Variants in NRXN3 observed in about 807,000 individuals in gnomAD.
NRXN3 encodes the protein neurexin 3.
A neutral mutation model predicts 137.6 loss-of-function variants in NRXN3; 32 were observed. That is an observed-to-expected ratio of 0.23 (90% CI 0.18 to 0.31). NRXN3 has a LOEUF of 0.31. Ranked by LOEUF, NRXN3 falls within the 10% of genes least tolerant of loss-of-function variation. The pLI, the probability that NRXN3 is intolerant of heterozygous loss-of-function variation, is 1.00. For missense variants in NRXN3, 1,574 were observed against 2,062.5 expected, an observed-to-expected ratio of 0.76 and a Z score of 4.59; for synonymous variants, 798 against 784.5, an observed-to-expected ratio of 1.02 and a Z score of -0.29.
chr14:79,333,321 G>A (rs1360763455), intron 15 of NRXN3, among the ~76,000 whole-genome samples: 1 of 152,152 alleles, frequency 6.6e-6, no homozygotes, highest in Non-Finnish European at 1.5e-5. Flanking sequence ...GGCTCCTGGT[G>A]TGGCTCGTTC....
chr14:79,509,851 C>T (rs1334972614), intron 16 of NRXN3, among the ~76,000 whole-genome samples: 1 of 152,056 alleles, frequency 6.6e-6, no homozygotes, highest in African/African-American at 2.4e-5. Flanking sequence ...TTGAGTTTCT[C>T]TGCTACTCAA....
At chr14:79,453,806 A>G (rs1030235051) in intron 15 of NRXN3, among the ~76,000 whole-genome samples, 1 of 152,112 alleles carries the variant, frequency 6.6e-6, no homozygotes, top group African/African-American at 2.4e-5. Flanking sequence ...TTACTCCCCA[A>G]ATATCAAATA....
chr14:79,059,944 T>G (rs2099672160), intron 15 of NRXN3, among the ~76,000 whole-genome samples: 1 of 152,200 alleles, frequency 6.6e-6, no homozygotes, highest in Admixed American at 6.5e-5. Flanking sequence ...GAAACTTATT[T>G]TACTTGCCTC....
At chr14:79,786,790 T>C (rs974924165) in intron 19 of NRXN3, among the ~76,000 whole-genome samples, 6 of 152,204 alleles carry the variant, frequency 3.9e-5, no homozygotes, top group Admixed American at 3.9e-4. Flanking sequence ...CTAAGATAGA[T>C]GTTTATCTTA....
chr14:79,320,698 TA>T (rs991641410), intron 15 of NRXN3, among the ~76,000 whole-genome samples: 4 of 152,128 alleles, frequency 2.6e-5, no homozygotes, highest in African/African-American at 9.7e-5. Flanking sequence ...TTTAAAAGAT[TA>T]AAGGAGCTTT....
chr14:79,708,183 C>T lies in NRXN3; in HGVS notation c.4014+10246C>T, dbSNP rs116374381. On this transcript the variant is annotated intron_variant, in intron 19 of 20. Coordinates refer to ENST00000335750, the MANE Select transcript of NRXN3 (RefSeq NM_001330195.2). ...TTTAAAAAATTGTGTCTGTACTGAA[C>T]ATGTACAGACTTTTTTCTTACTATT... 2.2e-3 allele frequency among the ~76,000 whole-genome samples: 331 copies of T among 152,242 alleles called. 1 individual carries two copies. Among genetic ancestry groups the T allele is most frequent in the African/African-American group, 7.8e-3 (322 of 41,544 alleles).
intron 15 of NRXN3, among the ~76,000 whole-genome samples, chr14:79,179,363 AT>A (rs1379436800): frequency 2.6e-5 from 4 of 152,202 alleles, no homozygotes; most frequent in Non-Finnish European, 5.9e-5. Flanking sequence ...ATGTTTTCTT[AT>A]AAAACACACA....
At chr14:78,826,474 G>T (rs80260473) in intron 10 of NRXN3, among the ~76,000 whole-genome samples, 1 of 152,128 alleles carries the variant, frequency 6.6e-6, no homozygotes, top group African/African-American at 2.4e-5. Context: ...ACATGCACAC[G>T]CATAAATTCA....
At chr14:79,152,681 T>G (rs749546796) in intron 15 of NRXN3, among the ~76,000 whole-genome samples, 6 of 151,958 alleles carry the variant, frequency 3.9e-5, no homozygotes, top group Non-Finnish European at 8.8e-5. Context: ...TTGAGACTTA[T>G]TCACTATCAT....
At chr14:78,920,451 A>G (rs764636766) in intron 10 of NRXN3, among the ~76,000 whole-genome samples, 1 of 152,212 alleles carries the variant, frequency 6.6e-6, no homozygotes, top group African/African-American at 2.4e-5. Context: ...TCAAACAATG[A>G]TTTATTCAAC....
intron 15 of NRXN3, among the ~76,000 whole-genome samples, chr14:79,383,296 T>G (rs1412020483): frequency 6.6e-6 from 1 of 152,110 alleles, no homozygotes; most frequent in Non-Finnish European, 1.5e-5. Context: ...TTGCTGAATA[T>G]TAAGCATCTC....
At chr14:78,921,748 A>G (rs1039854997) in intron 10 of NRXN3, among the ~76,000 whole-genome samples, 4 of 152,214 alleles carry the variant, frequency 2.6e-5, no homozygotes, top group Non-Finnish European at 4.4e-5. Flanking sequence ...GGATTAATGG[A>G]TACATGAAAT....
At chr14:78,266,953 A>T (rs896510580) in intron 2 of NRXN3, among the ~76,000 whole-genome samples, 10 of 152,192 alleles carry the variant, frequency 6.6e-5, no homozygotes, top group Non-Finnish European at 1.0e-4. Context: ...TCATTCTGTC[A>T]GGGCAAGGAT....
chr14:79,146,028 T>G (rs181199417), intron 15 of NRXN3, among the ~76,000 whole-genome samples: 1 of 152,324 alleles, frequency 6.6e-6, no homozygotes, highest in African/African-American at 2.4e-5. Context: ...TCTTCATGGC[T>G]CTAAAATCTG....
At chr14:78,734,775 A>G (rs2098534069) in intron 8 of NRXN3, among the ~76,000 whole-genome samples, 2 of 152,164 alleles carry the variant, frequency 1.3e-5, no homozygotes, top group Non-Finnish European at 1.5e-5. Context: ...AAAAAGAAGT[A>G]TGGCAAGTTA....
In NRXN3 at chr14:79,467,225, C is replaced by T. The variant is rs1012851739; in HGVS notation, c.3267C>T (p.Gly1089=). 1.1e-5 allele frequency: 17 copies of T among 1,595,790 alleles called. No individual in the cohort carries two copies. The highest frequency in any genetic ancestry group is 3.3e-5 in the South Asian group (3 of 90,102). ...SYSGNQCNDP[G]ATYIFGKSGG... ...CCTCTCTCCTTGCTTTTGCAGCTGGCGCTACGTACATCTTTGGGAAAAGTG... is the reference window on the plus strand; with the variant it reads ...CCTCTCTCCTTGCTTTTGCAGCTGGTGCTACGTACATCTTTGGGAAAAGTG... Residue 1089 remains glycine, a synonymous_variant, in exon 16 of 21, where the codon GGC becomes GGT. Coordinates refer to ENST00000335750, the MANE Select transcript of NRXN3 (RefSeq NM_001330195.2).
At chr14:79,016,836 G>A (rs747731565) in intron 15 of NRXN3, among the ~76,000 whole-genome samples, 1 of 152,140 alleles carries the variant, frequency 6.6e-6, no homozygotes, top group Non-Finnish European at 1.5e-5. Context: ...AACGTCAAGA[G>A]AGAATACTGT....
chr14:78,964,514 A>T (rs142685718), intron 11 of NRXN3, among the ~76,000 whole-genome samples: 92 of 152,352 alleles, frequency 6.0e-4, no homozygotes, highest in African/African-American at 1.9e-3. Context: ...TTTGCAGATC[A>T]TCCTTAATAT....
chr14:79,006,944 A>T (rs752364264), intron 15 of NRXN3, among the ~76,000 whole-genome samples: 9 of 152,282 alleles, frequency 5.9e-5, no homozygotes, highest in Middle Eastern at 6.8e-3. Flanking sequence ...TTCTTGCTCA[A>T]ACTCACTACT....
Sources: gnomAD v4.1 joint callset for allele counts (sites outside exome capture counted in the v4.1 genomes callset) on GRCh38, gnomAD v4.1.1 for gene constraint, MANE v1.5 for transcripts, NCBI Gene and HGNC (gene_info 2026-07-23, HGNC 2026-07-21) for gene names.